ALK: variants seen among roughly 807,000 people sequenced by gnomAD.
The protein encoded by ALK is ALK tyrosine kinase receptor.
Under a neutral mutation model 163.1 loss-of-function variants are expected in ALK, and 74 were observed. That is an observed-to-expected ratio of 0.45 (90% CI 0.38 to 0.55). The LOEUF is 0.55. ALK is among the 20% of genes least tolerant of loss of function. ALK has a pLI of 0.00. For missense variants in ALK, 2,063 were observed against 2,105.3 expected (o/e 0.98, Z 0.39); for synonymous variants, 960 against 843.2 (o/e 1.14, Z -2.40).
At chr2:29,368,131 G>C (rs1668550897) in intron 5 of ALK, among the ~76,000 whole-genome samples, 2 of 152,204 alleles carry the variant, frequency 1.3e-5, no homozygotes, top group Non-Finnish European at 2.9e-5. Context: ...AGACGCTAAA[G>C]TCAAATAGGC....
intron 4 of ALK, among the ~76,000 whole-genome samples, chr2:29,423,329 A>G (rs764222312): frequency 2.0e-5 from 3 of 152,208 alleles, no homozygotes; most frequent in Non-Finnish European, 4.4e-5. Flanking sequence ...ATTTGTACCA[A>G]GATTGAAACC....
intron 4 of ALK, among the ~76,000 whole-genome samples, chr2:29,519,427 G>A (rs1367208656): frequency 1.3e-5 from 2 of 152,222 alleles, no homozygotes; most frequent in African/African-American, 4.8e-5. Context: ...ATGTAGGATT[G>A]TGAAATTGGA....
intron 9 of ALK, among the ~76,000 whole-genome samples, chr2:29,295,533 T>C (rs939064884): frequency 6.6e-6 from 1 of 152,194 alleles, no homozygotes; most frequent in Admixed American, 6.5e-5. Flanking sequence ...ATCCTTGGAA[T>C]GTCCTTGGGC....
At chr2:29,638,053 G>A (rs1309240611) in intron 3 of ALK, among the ~76,000 whole-genome samples, 1 of 151,966 alleles carries the variant, frequency 6.6e-6, no homozygotes, top group Non-Finnish European at 1.5e-5. Flanking sequence ...CTTTTTAGAG[G>A]GCTGTGGAAT....
At chr2:29,522,480 C>G (rs1215329008) in intron 4 of ALK, among the ~76,000 whole-genome samples, 1 of 152,132 alleles carries the variant, frequency 6.6e-6, no homozygotes, top group Non-Finnish European at 1.5e-5. Context: ...CCGTCCCCAG[C>G]CAGCAGCCTC....
intron 1 of ALK, among the ~76,000 whole-genome samples, chr2:29,745,906 T>G (rs982864929): frequency 2.6e-5 from 4 of 152,204 alleles, no homozygotes; most frequent in Non-Finnish European, 5.9e-5. Flanking sequence ...GAGCTTCTAC[T>G]TTTTACCTCA....
chr2:29,818,487 C>G (rs769492815), intron 1 of ALK, among the ~76,000 whole-genome samples: 25 of 152,230 alleles, frequency 1.6e-4, no homozygotes, highest in Non-Finnish European at 2.9e-4. Flanking sequence ...GCCTTGCATA[C>G]CCAACACGCT....
intron 4 of ALK, among the ~76,000 whole-genome samples, chr2:29,436,090 A>T (rs116759490): frequency 1.3e-5 from 2 of 152,170 alleles, no homozygotes; most frequent in African/African-American, 4.8e-5. Context: ...GTATCATTCC[A>T]GTATCATTTT....
At chr2:29,565,926 G>A (rs1272058968) in intron 3 of ALK, among the ~76,000 whole-genome samples, 3 of 152,296 alleles carry the variant, frequency 2.0e-5, no homozygotes, top group Non-Finnish European at 2.9e-5. Context: ...GGGCAGGTGA[G>A]GGGACTGCTA....
chr2:29,399,965 G>A (rs1212811178), intron 4 of ALK, among the ~76,000 whole-genome samples: 2 of 152,218 alleles, frequency 1.3e-5, no homozygotes, highest in Non-Finnish European at 2.9e-5. Context: ...CCTAGAGCAA[G>A]AGTCTGGTGC....
At chr2:29,223,190 G>A (rs1226373565) in intron 20 of ALK, 152 bp downstream of exon 20, 1 of 761,646 alleles carries the variant, frequency 1.3e-6, no homozygotes, top group African/African-American at 1.7e-5. Flanking sequence ...ACATGGCCCT[G>A]AATGTCAAGG....
chr2:29,678,815 A>G (rs1163022617), intron 3 of ALK, among the ~76,000 whole-genome samples: 1 of 151,762 alleles, frequency 6.6e-6, no homozygotes, highest in Admixed American at 6.6e-5. Flanking sequence ...TATGGTCTAT[A>G]TTGAAGAATG....
intron 6 of ALK, among the ~76,000 whole-genome samples, chr2:29,325,484 C>T (rs183788983): frequency 1.5e-4 from 23 of 152,286 alleles, no homozygotes; most frequent in African/African-American, 5.5e-4. Flanking sequence ...ATGAGGAACC[C>T]GAGACCCAGA....
chr2:29,218,867 G>C (rs371372044), intron 23 of ALK, among the ~76,000 whole-genome samples: 11 of 152,380 alleles, frequency 7.2e-5, no homozygotes, highest in African/African-American at 2.6e-4. Context: ...GGGAAAGCCA[G>C]TGAATCTGAT....
intron 4 of ALK, among the ~76,000 whole-genome samples, chr2:29,423,439 G>A (rs544790132): frequency 4.6e-5 from 7 of 152,354 alleles, no homozygotes; most frequent in Non-Finnish European, 8.8e-5. Context: ...CCACTGGGGA[G>A]CGAAGGCTTA....
intron 12 of ALK, among the ~76,000 whole-genome samples, chr2:29,244,201 G>A (rs1485834332): frequency 3.3e-5 from 5 of 152,226 alleles, no homozygotes; most frequent in Non-Finnish European, 7.3e-5. Flanking sequence ...GAGCGGCAGA[G>A]TGGCATCCTG....
At chr2:29,205,587 CCTT>C (rs1285683641) in intron 26 of ALK, among the ~76,000 whole-genome samples, 1 of 152,156 alleles carries the variant, frequency 6.6e-6, no homozygotes, top group Non-Finnish European at 1.5e-5. Context: ...TCTGTTCCCT[CCTT>C]CTTCTGGCTT....
Position 29,564,998 on chromosome 2 carries a change from T to C in ALK, c.953-32882A>G, listed in dbSNP as rs1036034081. On this transcript the variant is annotated intron_variant, in intron 3 of 28. Coordinates refer to ENST00000389048, the MANE Select transcript of ALK (RefSeq NM_004304.5). ...CACAGCAAGTGACTTGAGGTAGCTT[T>C]CAGAAAAAAGCAGAACAAAAAATAA... Among the ~76,000 whole-genome samples the C allele has an allele frequency of 2.6e-5, 4 of 152,146 alleles. No homozygotes were observed. The South Asian group carries it at 8.3e-4, about 32-fold the overall frequency.
At chr2:29,886,441 C>T (rs1558533937) in intron 1 of ALK, among the ~76,000 whole-genome samples, 2 of 152,224 alleles carry the variant, frequency 1.3e-5, no homozygotes, top group Non-Finnish European at 1.5e-5. Flanking sequence ...GGCCCTATAC[C>T]TATCTATTTG....
Sources: gnomAD v4.1 joint callset for allele counts (sites outside exome capture counted in the v4.1 genomes callset) on GRCh38, gnomAD v4.1.1 for gene constraint, MANE v1.5 for transcripts, NCBI Gene and HGNC (gene_info 2026-07-23, HGNC 2026-07-21) for gene names.